The following ALCAM variants were observed in gnomAD, a reference collection of about 807,000 sequenced individuals.
ALCAM encodes the protein activated leukocyte cell adhesion molecule, also known as CD166 antigen.
In ALCAM, 30 loss-of-function variants were observed where a neutral mutation model predicts 70.9. The ratio of observed to expected loss-of-function variants is 0.42; its 90% CI spans 0.32 to 0.57. The LOEUF (loss-of-function observed/expected upper bound fraction) is 0.57, where lower values mean the gene tolerates loss of function less well. Ranked by LOEUF, ALCAM falls within the 20% of genes least tolerant of loss-of-function variation. ALCAM has a pLI of 0.11. For missense variants in ALCAM, 591 were observed against 695.1 expected, an observed-to-expected ratio of 0.85 and a Z score of 1.68; for synonymous variants, 249 against 242.5, an observed-to-expected ratio of 1.03 and a Z score of -0.25.
At chr3:105,412,153 G>C (rs1936405862) in intron 1 of ALCAM, among the ~76,000 whole-genome samples, 1 of 152,142 alleles carries the variant, frequency 6.6e-6, no homozygotes, top group South Asian at 2.1e-4. Context: ...TCATTTTCAG[G>C]TCTATGGTTT....
chr3:105,410,756 G>GA (rs774221465), intron 1 of ALCAM, among the ~76,000 whole-genome samples: 1 of 151,948 alleles, frequency 6.6e-6, no homozygotes, highest in Non-Finnish European at 1.5e-5. Flanking sequence ...CTTCATCTGT[G>GA]AAAAAATGTT....
At chr3:105,526,131 C>G (rs904473537) in intron 3 of ALCAM, among the ~76,000 whole-genome samples, 1 of 152,032 alleles carries the variant, frequency 6.6e-6, no homozygotes, top group Non-Finnish European at 1.5e-5. Context: ...AGTCACAGCA[C>G]TCTAATGGTT....
chr3:105,446,573 A>G (rs1015024649), intron 1 of ALCAM, among the ~76,000 whole-genome samples: 3 of 151,558 alleles, frequency 2.0e-5, no homozygotes, highest in Non-Finnish European at 4.4e-5. Flanking sequence ...CAACCTAAGT[A>G]TCTACCAATG....
At chr3:105,524,569 T>C in intron 3 of ALCAM, 61 bp downstream of exon 3, 1 of 1,600,176 alleles carries the variant, frequency 6.2e-7, no homozygotes, top group South Asian at 1.1e-5. Flanking sequence ...CAGACCATGT[T>C]CTTTAGAAAG....
chr3:105,478,255 G>A (rs925102266), intron 1 of ALCAM, among the ~76,000 whole-genome samples: 1 of 152,102 alleles, frequency 6.6e-6, no homozygotes, highest in Non-Finnish European at 1.5e-5. Context: ...TGCTGTTCTT[G>A]TGCAGCAGCT....
intron 12 of ALCAM, among the ~76,000 whole-genome samples, chr3:105,551,752 A>G (rs7610031): frequency 0.083 from 12,553 of 151,468 alleles, 660 homozygotes; most frequent in Non-Finnish European, 0.12. Context: ...ATTCTCCTAT[A>G]TCGGGCAGGA....
chr3:105,404,372 T>C (rs1198167367), intron 1 of ALCAM, among the ~76,000 whole-genome samples: 4 of 152,108 alleles, frequency 2.6e-5, no homozygotes, highest in Non-Finnish European at 5.9e-5. Flanking sequence ...ACCTATCAGA[T>C]TAACAGCACA....
chr3:105,393,327 A>G (rs765871047), intron 1 of ALCAM, among the ~76,000 whole-genome samples: 61 of 151,960 alleles, frequency 4.0e-4, no homozygotes, highest in Non-Finnish European at 6.9e-4. Context: ...AATCACCCAA[A>G]CATACAGTTA....
At chr3:105,525,164 A>T in intron 3 of ALCAM, 1 of 984,086 alleles carries the variant, frequency 1.0e-6, no homozygotes, top group Non-Finnish European at 1.2e-6. Context: ...AAATTAAAAA[A>T]ACTCACTATA....
chr3:105,483,692 G>A (rs1938340160), intron 1 of ALCAM, among the ~76,000 whole-genome samples: 1 of 152,036 alleles, frequency 6.6e-6, no homozygotes, highest in African/African-American at 2.4e-5. Flanking sequence ...GATGTGGTTG[G>A]TATAATCTAA....
chr3:105,565,186 C>T (rs1940716443), intron 14 of ALCAM, among the ~76,000 whole-genome samples: 1 of 152,186 alleles, frequency 6.6e-6, no homozygotes, highest in Non-Finnish European at 1.5e-5. Context: ...TTATTTTTCA[C>T]TGCTTTTGAA....
intron 1 of ALCAM, among the ~76,000 whole-genome samples, chr3:105,465,858 G>T (rs9813208): frequency 1.3e-5 from 2 of 151,206 alleles, no homozygotes; most frequent in Non-Finnish European, 3.0e-5. Context: ...AGTCTAGACC[G>T]CTGTGCATTG....
At chr3:105,491,740 C>T (rs1576198760) in intron 1 of ALCAM, among the ~76,000 whole-genome samples, 1 of 152,202 alleles carries the variant, frequency 6.6e-6, no homozygotes. Flanking sequence ...ACAAGTTCCT[C>T]ATCTCTATTT....
At chr3:105,563,876 A>G (rs1486792147) in intron 14 of ALCAM, among the ~76,000 whole-genome samples, 2 of 145,888 alleles carry the variant, frequency 1.4e-5, no homozygotes, top group Non-Finnish European at 3.0e-5. Context: ...TTTAGTAGAG[A>G]CGGGGTTTCA....
At chr3:105,572,201 A>G (rs888520364) in intron 15 of ALCAM, among the ~76,000 whole-genome samples, 1 of 152,152 alleles carries the variant, frequency 6.6e-6, no homozygotes, top group Non-Finnish European at 1.5e-5. Flanking sequence ...CATCATCTAC[A>G]TTAGGTATTT....
intron 1 of ALCAM, among the ~76,000 whole-genome samples, chr3:105,514,334 G>A (rs575674818): frequency 2.6e-5 from 4 of 151,960 alleles, no homozygotes; most frequent in African/African-American, 4.8e-5. Flanking sequence ...AGAGTAGATG[G>A]GGCCAAGGAA....
intron 1 of ALCAM, among the ~76,000 whole-genome samples, chr3:105,382,194 G>T (rs1210798566): frequency 6.6e-6 from 1 of 150,584 alleles, no homozygotes; most frequent in Non-Finnish European, 1.5e-5. Context: ...GCAGTGTTTG[G>T]TTTTTTGTCC....
intron 7 of ALCAM, among the ~76,000 whole-genome samples, chr3:105,540,424 G>A (rs1407597980): frequency 1.3e-5 from 2 of 152,008 alleles, no homozygotes; most frequent in Non-Finnish European, 2.9e-5. Flanking sequence ...TGATGACAGT[G>A]AATGAACTGA....
intron 6 of ALCAM, among the ~76,000 whole-genome samples, chr3:105,538,922 T>A (rs187557457): frequency 2.6e-5 from 4 of 152,202 alleles, no homozygotes; most frequent in African/African-American, 7.2e-5. Flanking sequence ...AACTTCTAAG[T>A]TTTTTTATCT....
Sources: gnomAD v4.1 joint callset for allele counts (sites outside exome capture counted in the v4.1 genomes callset) on GRCh38, gnomAD v4.1.1 for gene constraint, MANE v1.5 for transcripts, NCBI Gene and HGNC (gene_info 2026-07-23, HGNC 2026-07-21) for gene names.